GALNT17: variants seen among roughly 807,000 people sequenced by gnomAD.
The protein encoded by GALNT17 is UDP-GalNAc:polypeptide N-acetylgalactosaminyltransferase-like 3.
A neutral mutation model predicts 63.7 loss-of-function variants in GALNT17; 29 were observed. The observed-to-expected ratio is 0.46, with a 90% CI of 0.34 to 0.62. The LOEUF (loss-of-function observed/expected upper bound fraction) is 0.62. Ranked by LOEUF, GALNT17 falls within the 20% of genes least tolerant of loss-of-function variation. The pLI, the probability that GALNT17 is intolerant of heterozygous loss-of-function variation, is 0.01. For missense variants in GALNT17, 603 were observed against 799.6 expected (o/e 0.75, Z 2.97); for synonymous variants, 305 against 318.3 (o/e 0.96, Z 0.45).
At chr7:71,287,905 A>T (rs1444950254) in intron 1 of GALNT17, among the ~76,000 whole-genome samples, 6 of 151,874 alleles carry the variant, frequency 4.0e-5, no homozygotes, top group East Asian at 1.9e-4. Flanking sequence ...CACAAAAATT[A>T]GCTGGGCGTG....
chr7:71,222,792 C>T (rs1585892381), intron 1 of GALNT17, among the ~76,000 whole-genome samples: 3 of 151,852 alleles, frequency 2.0e-5, no homozygotes, highest in East Asian at 2.0e-4. Context: ...GGTTTCTGGC[C>T]GGGTGCAGTG....
At chr7:71,279,573 A>G (rs929200006) in intron 1 of GALNT17, among the ~76,000 whole-genome samples, 9 of 151,762 alleles carry the variant, frequency 5.9e-5, no homozygotes, top group African/African-American at 1.9e-4. Context: ...TCTTAACTTA[A>G]TTACATCAAC....
chr7:71,428,694 C>T (rs1786805312), intron 5 of GALNT17, among the ~76,000 whole-genome samples: 1 of 152,176 alleles, frequency 6.6e-6, no homozygotes, highest in South Asian at 2.1e-4. Flanking sequence ...ACCTCGGCCT[C>T]CCAAAGTGCT....
chr7:71,645,360 G>C (rs987294795), intron 6 of GALNT17, among the ~76,000 whole-genome samples: 1 of 152,158 alleles, frequency 6.6e-6, no homozygotes, highest in Admixed American at 6.5e-5. Context: ...CCCCCATGTT[G>C]TTATTGTGAT....
At chr7:71,240,035 G>A (rs1789964943) in intron 1 of GALNT17, among the ~76,000 whole-genome samples, 1 of 152,094 alleles carries the variant, frequency 6.6e-6, no homozygotes, top group Admixed American at 6.6e-5. Context: ...TGGACATATT[G>A]AAATAAAAGA....
intron 1 of GALNT17, among the ~76,000 whole-genome samples, chr7:71,333,723 A>T (rs6955324): frequency 0.038 from 5,782 of 151,766 alleles, 322 homozygotes; most frequent in African/African-American, 0.11. Flanking sequence ...CTGGTCTCGA[A>T]CTCCTCAGGT....
At chr7:71,691,205 A>T (rs1310662599) in intron 9 of GALNT17, among the ~76,000 whole-genome samples, 1 of 152,160 alleles carries the variant, frequency 6.6e-6, no homozygotes, top group Non-Finnish European at 1.5e-5. Flanking sequence ...CACCCTGATC[A>T]GTCAGCAGCC....
intron 1 of GALNT17, among the ~76,000 whole-genome samples, chr7:71,231,230 GTTT>G (rs775354917): frequency 7.1e-6 from 1 of 140,474 alleles, no homozygotes. Context: ...TATTTTTGCT[GTTT>G]TTTTTTTTTT....
intron 7 of GALNT17, among the ~76,000 whole-genome samples, chr7:71,666,169 C>G (rs1790982455): frequency 6.6e-6 from 1 of 151,998 alleles, no homozygotes; most frequent in African/African-American, 2.4e-5. Flanking sequence ...ATCCACTCAT[C>G]TTCTCTGTAC....
At chr7:71,598,014 G>A (rs1448383498) in intron 6 of GALNT17, among the ~76,000 whole-genome samples, 3 of 151,414 alleles carry the variant, frequency 2.0e-5, no homozygotes, top group Non-Finnish European at 4.4e-5. Context: ...GCGCAGTCTC[G>A]GCTCACTGCA....
At chr7:71,449,476 T>G (rs1787220898) in intron 5 of GALNT17, among the ~76,000 whole-genome samples, 1 of 152,176 alleles carries the variant, frequency 6.6e-6, no homozygotes, top group South Asian at 2.1e-4. Flanking sequence ...ATGTATATTT[T>G]TTACCTTAAC....
chr7:71,312,262 A>G (rs756484829), intron 1 of GALNT17, among the ~76,000 whole-genome samples: 16 of 152,184 alleles, frequency 1.1e-4, no homozygotes, highest in Non-Finnish European at 1.6e-4. Flanking sequence ...AAAAGTTGCA[A>G]CACCACCAGC....
intron 2 of GALNT17, among the ~76,000 whole-genome samples, chr7:71,355,882 T>C (rs1792275453): frequency 6.6e-6 from 1 of 152,158 alleles, no homozygotes; most frequent in Admixed American, 6.5e-5. Context: ...GTGTTGCCTG[T>C]TTTCTGAGAG....
chr7:71,386,117 G>C (rs77125448), intron 2 of GALNT17, among the ~76,000 whole-genome samples: 6,395 of 152,220 alleles, frequency 0.042, 234 homozygotes, highest in East Asian at 0.11. Flanking sequence ...TAATCTCCCT[G>C]GCAGCCCCCA....
chr7:71,616,912 T>TATTAAGAATATATAATTCTTATAAGAATC (rs1277894846), intron 6 of GALNT17, among the ~76,000 whole-genome samples: 5 of 145,228 alleles, frequency 3.4e-5, no homozygotes, highest in Admixed American at 6.9e-5. Flanking sequence ...ATAAGAATCA[T>TATTAAGAATATATAATTCTTATAAGAATC]ATTAAGAATA....
intron 6 of GALNT17, among the ~76,000 whole-genome samples, chr7:71,601,788 GA>G (rs983982416): frequency 6.6e-6 from 1 of 151,968 alleles, no homozygotes; most frequent in South Asian, 2.1e-4. Context: ...CTGTCTTTGG[GA>G]AAAAAATAAA....
chr7:71,354,161 A>T (rs1033158738), intron 2 of GALNT17, among the ~76,000 whole-genome samples: 1 of 152,188 alleles, frequency 6.6e-6, no homozygotes, highest in African/African-American at 2.4e-5. Flanking sequence ...CAACATCAGG[A>T]ATTACAATTC....
intron 3 of GALNT17, among the ~76,000 whole-genome samples, chr7:71,393,348 G>A (rs1221781448): frequency 6.6e-6 from 1 of 151,900 alleles, no homozygotes; most frequent in African/African-American, 2.4e-5. Flanking sequence ...AAAGTAATGC[G>A]TGCTCTTTGT....
chr7:71,629,739 T>C (rs915459164), intron 6 of GALNT17, among the ~76,000 whole-genome samples: 4 of 152,152 alleles, frequency 2.6e-5, no homozygotes, highest in Admixed American at 2.6e-4. Context: ...CTGCCTCAGC[T>C]TCCCAAGTAG....
Sources: gnomAD v4.1 joint callset for allele counts (sites outside exome capture counted in the v4.1 genomes callset) on GRCh38, gnomAD v4.1.1 for gene constraint, MANE v1.5 for transcripts, NCBI Gene and HGNC (gene_info 2026-07-23, HGNC 2026-07-21) for gene names.